The following PRMT3 variants were observed in gnomAD, a reference collection of about 807,000 sequenced individuals.
The protein encoded by PRMT3 is protein arginine N-methyltransferase 3.
PRMT3 carries 62 observed loss-of-function variants against 71.9 expected under a neutral mutation model. That is an observed-to-expected ratio of 0.86 (90% confidence interval 0.70 to 1.07). The LOEUF is 1.07. PRMT3 is among the 50% of genes least tolerant of loss of function. PRMT3 has a pLI of 0.00. For missense variants in PRMT3, 663 were observed against 643.0 expected (o/e 1.03, Z -0.34); for synonymous variants, 213 against 220.4 (o/e 0.97, Z 0.30).
intron 10 of PRMT3, among the ~76,000 whole-genome samples, chr11:20,437,664 A>T (rs113152039): frequency 1.3e-5 from 2 of 151,930 alleles, no homozygotes; most frequent in African/African-American, 4.8e-5. Context: ...ATCTCGGCTC[A>T]ATGCAAGCTC....
At chr11:20,504,016 G>A (rs539888852) in intron 15 of PRMT3, among the ~76,000 whole-genome samples, 5 of 152,212 alleles carry the variant, frequency 3.3e-5, no homozygotes, top group South Asian at 2.1e-4. Flanking sequence ...ATTTTAAGCC[G>A]TTTTGAGTAT....
At position 20,424,658 on chromosome 11, in the gene PRMT3, G is replaced by GA. The variant is rs200593313; in HGVS notation, c.894-2101dup. Among the ~76,000 whole-genome samples, 1,464 of 151,954 alleles carry GA rather than the reference G, an allele frequency of 9.6e-3. 29 individuals are homozygous for GA. Among genetic ancestry groups the GA allele is most frequent in the African/African-American group, 0.034 (1,412 of 41,500 alleles). On this transcript the variant is annotated intron_variant, in intron 9 of 15. Transcript: ENST00000331079. ...GTCACCAAAAGCATGAACCATAAAA[G>GA]AAAAAAATGATAAGTTGTTCTTTAT...
At chr11:20,444,031 CTT>C (rs1319994759) in intron 10 of PRMT3, among the ~76,000 whole-genome samples, 1 of 152,102 alleles carries the variant, frequency 6.6e-6, no homozygotes, top group Non-Finnish European at 1.5e-5. Context: ...GATTCTTCTT[CTT>C]GCGTGGAAGT....
At chr11:20,413,887 G>T (rs925298498) in intron 9 of PRMT3, among the ~76,000 whole-genome samples, 1 of 151,868 alleles carries the variant, frequency 6.6e-6, no homozygotes, top group African/African-American at 2.4e-5. Flanking sequence ...GCTCTAAGTT[G>T]TCCTTATCCC....
intron 10 of PRMT3, among the ~76,000 whole-genome samples, chr11:20,445,438 A>G (rs932310184): frequency 6.6e-6 from 1 of 152,060 alleles, no homozygotes; most frequent in Non-Finnish European, 1.5e-5. Flanking sequence ...ACATGCTATA[A>G]CCATTTATAA....
chr11:20,457,175 A>G (rs962465330), intron 11 of PRMT3, among the ~76,000 whole-genome samples: 2 of 152,178 alleles, frequency 1.3e-5, no homozygotes, highest in Non-Finnish European at 2.9e-5. Context: ...TCCTTTGCTC[A>G]GAGCAAAATA....
intron 15 of PRMT3, among the ~76,000 whole-genome samples, chr11:20,504,707 T>TGAGTGAGAGA (rs1555026060): frequency 6.0e-5 from 8 of 133,590 alleles, no homozygotes; most frequent in African/African-American, 2.4e-4. Context: ...TGTGTGTGTG[T>TGAGTGAGAGA]GAGAGAGAGA....
At chr11:20,407,329 TTCAA>T (rs1254170914) in intron 8 of PRMT3, 1 of 152,280 alleles carries the variant, frequency 6.6e-6, no homozygotes, top group Admixed American at 6.5e-5. Context: ...CGTACAGTAT[TTCAA>T]GTTGAGGTAC....
In PRMT3 at chr11:20,471,527, T is replaced by C. The variant is rs111903597; in HGVS notation, c.1347+6981T>C. ...TTTGAAGATCAGTTGATTGAAGGTG[T>C]GAAGTCTTATTTCTGAGCTCTCCAT... is the stretch of plus-strand genomic sequence containing the variant. On this transcript the variant is annotated intron_variant, in intron 13 of 15. Transcript: ENST00000331079. Among the ~76,000 whole-genome samples the C allele has an allele frequency of 5.1e-3, 771 of 152,258 alleles. 6 individuals carry two copies. The highest frequency in any genetic ancestry group is 0.018 in the African/African-American group (735 of 41,560).
intron 13 of PRMT3, among the ~76,000 whole-genome samples, chr11:20,472,016 G>A (rs1390880613): frequency 6.6e-6 from 1 of 152,020 alleles, no homozygotes; most frequent in East Asian, 1.9e-4. Flanking sequence ...GTTGGTATAT[G>A]AGAATGCTAG....
rs1228813766 is a variant in PRMT3, at chr11:20,491,407, T to C, written c.1348-2512T>C. ...GTAATTTGAGATTGCACCTTAGATG[T>C]TGTGCATGCTATGTTGTGTAAACTG... On this transcript the variant is annotated intron_variant, in intron 13 of 15. Transcript: ENST00000331079. 3.9e-5 allele frequency among the ~76,000 whole-genome samples: 6 copies of C among 152,188 alleles called. No individual in the cohort carries two copies. In the East Asian group the frequency reaches 1.2e-3, roughly 29 times the overall value.
intron 13 of PRMT3, among the ~76,000 whole-genome samples, chr11:20,478,588 T>G (rs924347490): frequency 1.3e-5 from 2 of 151,606 alleles, no homozygotes; most frequent in African/African-American, 4.8e-5. Flanking sequence ...AAGGTACCAA[T>G]ATTTAGCTTT....
chr11:20,467,259 C>T (rs1850534660), intron 13 of PRMT3, among the ~76,000 whole-genome samples: 1 of 152,156 alleles, frequency 6.6e-6, no homozygotes, highest in East Asian at 1.9e-4. Context: ...CGTACATCAA[C>T]AGTCGTTGAA....
At chr11:20,476,952 G>C (rs1044552580) in intron 13 of PRMT3, among the ~76,000 whole-genome samples, 3 of 152,160 alleles carry the variant, frequency 2.0e-5, no homozygotes, top group Non-Finnish European at 4.4e-5. Flanking sequence ...ATACGGACTA[G>C]AGTAGGTAAT....
At chr11:20,433,406 A>G (rs974048318) in intron 10 of PRMT3, among the ~76,000 whole-genome samples, 4 of 152,238 alleles carry the variant, frequency 2.6e-5, no homozygotes, top group African/African-American at 7.2e-5. Flanking sequence ...TATGGCTGCA[A>G]TAGTATTCTA....
chr11:20,437,293 CCTT>C (rs1849780845), intron 10 of PRMT3, among the ~76,000 whole-genome samples: 2 of 151,896 alleles, frequency 1.3e-5, no homozygotes, highest in Admixed American at 6.6e-5. Flanking sequence ...TTATTTCTTT[CCTT>C]CTACTTTGCT....
At chr11:20,484,034 A>G (rs1041051211) in intron 13 of PRMT3, among the ~76,000 whole-genome samples, 3 of 152,210 alleles carry the variant, frequency 2.0e-5, no homozygotes, top group Non-Finnish European at 2.9e-5. Context: ...TCTCTTTATC[A>G]TTTAACAAAT....
At chr11:20,463,398 A>G (rs541966081) in intron 12 of PRMT3, among the ~76,000 whole-genome samples, 27 of 152,264 alleles carry the variant, frequency 1.8e-4, no homozygotes, top group Non-Finnish European at 1.5e-5. Flanking sequence ...GGCTCAGGAT[A>G]GGAGTGTACA....
intron 11 of PRMT3, among the ~76,000 whole-genome samples, chr11:20,459,449 C>T (rs1850335743): frequency 6.6e-6 from 1 of 152,090 alleles, no homozygotes; most frequent in South Asian, 2.1e-4. Flanking sequence ...TAGCCTGCTG[C>T]CTGTTTTGTA....
Sources: allele counts gnomAD v4.1 joint callset (sites outside exome capture counted in the v4.1 genomes callset), GRCh38; gene constraint gnomAD v4.1.1; transcripts MANE v1.5; gene names NCBI Gene and HGNC (gene_info 2026-07-23, HGNC 2026-07-21).